AGBL1: variants seen among roughly 807,000 people sequenced by gnomAD.
AGBL1 encodes AGBL carboxypeptidase 1, also known as cytosolic carboxypeptidase 4.
A neutral mutation model predicts 118.9 loss-of-function variants in AGBL1; 130 were observed. The ratio of observed to expected loss-of-function variants is 1.09; its 90% CI spans 0.95 to 1.26. The LOEUF (loss-of-function observed/expected upper bound fraction) is 1.26, where lower values mean the gene tolerates loss of function less well. Among genes scored for constraint, AGBL1 ranks in the 50% most tolerant of loss-of-function variants. The pLI is 0.00. For synonymous variants in AGBL1, 555 were observed against 478.9 expected, an observed-to-expected ratio of 1.16 and a Z score of -2.08; for missense variants, 1,584 against 1,298.1, an observed-to-expected ratio of 1.22 and a Z score of -3.38.
At chr15:86,723,513 G>A (rs1418204510) in intron 22 of AGBL1, among the ~76,000 whole-genome samples, 2 of 152,088 alleles carry the variant, frequency 1.3e-5, no homozygotes, top group Non-Finnish European at 2.9e-5. Context: ...TGTGGAGTGG[G>A]GTGAGGGGGG....
At chr15:86,153,944 C>G (rs1348130377) in intron 3 of AGBL1, among the ~76,000 whole-genome samples, 2 of 152,046 alleles carry the variant, frequency 1.3e-5, no homozygotes, top group Admixed American at 1.3e-4. Flanking sequence ...TATTACAAAC[C>G]TAATAAAATT....
chr15:86,817,874 C>T lies in AGBL1; in HGVS notation c.3159-89213C>T, dbSNP rs372585440. Among the ~76,000 whole-genome samples, 170 of 152,290 alleles carry T rather than the reference C, an allele frequency of 1.1e-3. 1 individual carries two copies. Among genetic ancestry groups the T allele is most frequent in the African/African-American group, 4.1e-3 (170 of 41,564 alleles). ...AAAGTAGGCCCTTGATCTAATATAA[C>T]TGACATCCTTAGAAGAGAAGAGACA... On this transcript the variant is annotated intron_variant, in intron 22 of 22. Transcript: ENST00000614907.
rs534215168 is a variant in AGBL1, at chr15:86,168,192, T to A, written c.488+9166T>A. On this transcript the variant is annotated intron_variant, in intron 5 of 22. Coordinates refer to ENST00000614907, the MANE Select transcript of AGBL1 (RefSeq NM_001386094.1). ...AGGATTGTATTGATACATGCACACA[T>A]TAGCATGTAAACAAATAAGATTAAT... Among the ~76,000 whole-genome samples, 704 of 152,236 alleles carry A rather than the reference T, an allele frequency of 4.6e-3. 5 individuals carry two copies. Among genetic ancestry groups the A allele is most frequent in the African/African-American group, 0.016 (671 of 41,530 alleles).
chr15:86,870,628 G>C (rs1173947753), intron 22 of AGBL1, among the ~76,000 whole-genome samples: 1 of 152,000 alleles, frequency 6.6e-6, no homozygotes, highest in Non-Finnish European at 1.5e-5. Context: ...ATTTATTTCA[G>C]ACATATTTCA....
intron 1 of AGBL1, among the ~76,000 whole-genome samples, chr15:86,116,413 G>C (rs557787879): frequency 9.9e-5 from 15 of 152,198 alleles, no homozygotes; most frequent in Non-Finnish European, 1.8e-4. Context: ...GCTAAGGGAT[G>C]CCCAGGTAGC....
chr15:86,796,533 G>T (rs1383961416), intron 22 of AGBL1, among the ~76,000 whole-genome samples: 4 of 152,144 alleles, frequency 2.6e-5, no homozygotes, highest in Non-Finnish European at 4.4e-5. Context: ...ATCTTTAATA[G>T]TGGCCCAAGA....
chr15:86,869,457 T>A (rs528560582), intron 22 of AGBL1, among the ~76,000 whole-genome samples: 48 of 152,282 alleles, frequency 3.2e-4, no homozygotes, highest in African/African-American at 1.1e-3. Flanking sequence ...AACATGTAGA[T>A]GTTTTAATCT....
chr15:87,012,477 T>C (rs992515230), intron 24 of AGBL1, among the ~76,000 whole-genome samples: 1 of 152,136 alleles, frequency 6.6e-6, no homozygotes, highest in Non-Finnish European at 1.5e-5. Flanking sequence ...GATACAATGT[T>C]AAGACATAAT....
intron 22 of AGBL1, among the ~76,000 whole-genome samples, chr15:86,732,901 C>G (rs943816669): frequency 4.0e-5 from 6 of 149,406 alleles, no homozygotes; most frequent in Non-Finnish European, 7.4e-5. Flanking sequence ...ATAGATAAAT[C>G]TACAAATATA....
chr15:86,742,243 A>G lies in AGBL1; in HGVS notation c.3158+67807A>G, dbSNP rs78539271. 8.5e-3 allele frequency among the ~76,000 whole-genome samples: 1,287 copies of G among 152,156 alleles called. 9 individuals carry two copies. The highest frequency in any genetic ancestry group is 0.027 in the Middle Eastern group (8 of 294). ...AGAGGATTTCCTTTTTGTACTTTTT[A>G]TGAGCCCCTACAAATGGAATCAGAC... On this transcript the variant is annotated intron_variant, in intron 22 of 22. Transcript: ENST00000614907.
chr15:86,816,532 G>A (rs771952111), intron 22 of AGBL1, among the ~76,000 whole-genome samples: 3 of 152,194 alleles, frequency 2.0e-5, no homozygotes, highest in Non-Finnish European at 2.9e-5. Flanking sequence ...TGGAAGTTTC[G>A]CTGTTAAGAG....
chr15:86,700,589 T>C lies in AGBL1; in HGVS notation c.3158+26153T>C, dbSNP rs139886027. On this transcript the variant is annotated intron_variant, in intron 22 of 22. Coordinates refer to ENST00000614907, the MANE Select transcript of AGBL1 (RefSeq NM_001386094.1). ...TATAGTACCTTCTTTAGAAAAGATA[T>C]AGAGCATTAACACTTTTCAAGATAT... is the stretch of plus-strand genomic sequence containing the variant. Among the ~76,000 whole-genome samples the C allele has an allele frequency of 4.6e-3, 699 of 152,036 alleles. 4 individuals are homozygous for C. The highest frequency in any genetic ancestry group is 0.016 in the African/African-American group (669 of 41,480).
chr15:86,891,538 C>T (rs1368139797), intron 22 of AGBL1, among the ~76,000 whole-genome samples: 1 of 150,492 alleles, frequency 6.6e-6, no homozygotes, highest in Non-Finnish European at 1.5e-5. Flanking sequence ...CACAGATATC[C>T]AGTAGAATGT....
chr15:86,405,795 C>T (rs988962276), intron 18 of AGBL1, among the ~76,000 whole-genome samples: 18 of 151,694 alleles, frequency 1.2e-4, no homozygotes, highest in African/African-American at 2.2e-4. Context: ...ATACAAGGTT[C>T]GCGCAAGTGG....
intron 17 of AGBL1, among the ~76,000 whole-genome samples, chr15:86,395,675 T>C (rs985637712): frequency 3.3e-5 from 5 of 151,980 alleles, no homozygotes; most frequent in Non-Finnish European, 7.4e-5. Flanking sequence ...AAGTAACCTG[T>C]TTTCACCGTA....
chr15:86,590,259 G>C (rs1457102618), intron 21 of AGBL1, among the ~76,000 whole-genome samples: 1 of 152,168 alleles, frequency 6.6e-6, no homozygotes, highest in East Asian at 1.9e-4. Context: ...ATCTCACCTT[G>C]AATTATAGTT....
At chr15:87,004,095 G>C (rs551868251) in intron 24 of AGBL1, among the ~76,000 whole-genome samples, 1 of 152,022 alleles carries the variant, frequency 6.6e-6, no homozygotes, top group East Asian at 1.9e-4. Context: ...TTTCTCTTGT[G>C]GGCATTTAGT....
intron 23 of AGBL1, among the ~76,000 whole-genome samples, chr15:86,984,354 T>C (rs1416560923): frequency 2.1e-5 from 1 of 48,316 alleles, no homozygotes; most frequent in Non-Finnish European, 5.9e-5. Context: ...GTTTTCCATT[T>C]TTTTCTCTCT....
intron 18 of AGBL1, among the ~76,000 whole-genome samples, chr15:86,406,745 A>G (rs1247397546): frequency 6.6e-6 from 1 of 152,212 alleles, no homozygotes; most frequent in Non-Finnish European, 1.5e-5. Context: ...TAACTTTCAT[A>G]AGATAATATA....
Sources: gnomAD v4.1 joint callset for allele counts (sites outside exome capture counted in the v4.1 genomes callset) on GRCh38, gnomAD v4.1.1 for gene constraint, MANE v1.5 for transcripts, NCBI Gene and HGNC (gene_info 2026-07-23, HGNC 2026-07-21) for gene names.